The following ENKD1 variants were observed in gnomAD, a reference collection of about 807,000 sequenced individuals.
The protein encoded by ENKD1 is enkurin domain-containing protein 1.
ENKD1 carries 39 observed loss-of-function variants against 35.8 expected under a neutral mutation model. That is an observed-to-expected ratio of 1.09 (90% CI 0.84 to 1.42). The LOEUF (loss-of-function observed/expected upper bound fraction) is 1.42. Ranked by LOEUF, ENKD1 falls within the 40% of genes most tolerant of loss-of-function variation. The probability of loss-of-function intolerance (pLI) is 0.00; values close to 1 mark genes in which losing one functional copy is unlikely to be tolerated. For synonymous variants in ENKD1, 205 were observed against 198.6 expected (o/e 1.03, Z -0.27); for missense variants, 474 against 471.3 (o/e 1.01, Z -0.05).
chr16:67,666,351 G>A lies in ENKD1; in HGVS notation c.85+7C>T. The A allele has an allele frequency of 6.3e-7, 1 of 1,581,820 alleles. No individual in the cohort carries two copies. The highest frequency in any genetic ancestry group is 1.1e-5 in the South Asian group (1 of 88,760). ...GCCTCGCACCACCGCCAAGCCCCCG[G>A]ACTCACCCGAGGTCGGCCGCCTGTA... On this transcript the variant is annotated splice_region_variant and intron_variant, in intron 1 of 6. Coordinates refer to ENST00000243878, the MANE Select transcript of ENKD1 (RefSeq NM_032140.3).
intron 3 of ENKD1, chr16:67,664,628 C>A: frequency 3.2e-6 from 1 of 313,078 alleles, no homozygotes; most frequent in Admixed American, 4.9e-5. Flanking sequence ...GAAATAAGGG[C>A]TGAAAAGTGG....
At chr16:67,665,529 T>G (rs2053089916) in intron 2 of ENKD1, among the ~76,000 whole-genome samples, 1 of 152,084 alleles carries the variant, frequency 6.6e-6, no homozygotes, top group Non-Finnish European at 1.5e-5. Context: ...GCCAGCCTGA[T>G]TTTTGTATTT....
At position 67,666,468 on chromosome 16, in the gene ENKD1, G is replaced by A; in HGVS notation, c.-26C>T. The A allele has an allele frequency of 2.0e-6, 3 of 1,484,692 alleles. No homozygotes were observed. The highest frequency in any genetic ancestry group is 1.3e-5 in the South Asian group (1 of 76,948). The allele number at this position is 1,484,692 out of a possible 1,614,324, so 92.0% of individuals were successfully genotyped here. On this transcript the variant is annotated 5_prime_UTR_variant, in exon 1 of 7. Transcript: ENST00000243878. ...GCCGCCGGCGCCGCCCAGCAACGGTGCCCCGAGGCCTGCAGGGCTGTTTAC... is the reference window on the plus strand; with the variant it reads ...GCCGCCGGCGCCGCCCAGCAACGGTACCCCGAGGCCTGCAGGGCTGTTTAC...
intron 2 of ENKD1, among the ~76,000 whole-genome samples, chr16:67,665,699 G>A (rs1019334992): frequency 6.6e-6 from 1 of 152,246 alleles, no homozygotes; most frequent in East Asian, 1.9e-4. Flanking sequence ...CACCATTGAA[G>A]TACACCATAG....
At position 67,666,132 on chromosome 16, in the gene ENKD1, G is replaced by C; in HGVS notation, c.219C>G (p.Gly73=). The C allele has an allele frequency of 6.2e-7, 1 of 1,612,792 alleles. No individual in the cohort carries two copies. Among genetic ancestry groups the C allele is most frequent in the Non-Finnish European group, 8.5e-7 (1 of 1,179,974 alleles). The change falls in exon 2 of 7, where the codon GGC becomes GGG. Residue 73 remains glycine (G), a synonymous_variant. Transcript: ENST00000243878. The stretch of plus-strand genomic sequence containing the variant: ...CGAGTTGCAACAGCACGTCCCCGAC[G>C]CCGCGCTGGCCGCGCTCCAGGATCT... ...AGEILERGQR[G]VGDVLLQLEG...
rs376989110 is a variant in ENKD1, at chr16:67,666,206, G to C, written c.145C>G (p.Leu49Val). ...KLDLLTSDRA[L>V]DTTAPRGPCI... is the part of the protein sequence containing the mutation. Reference sequence around the variant, plus strand: ...GGGCCACGGGGAGCGGTGGTGTCCAGGGCCCGGTCGGAAGTCAGCAAGTCC... The same window carrying C: ...GGGCCACGGGGAGCGGTGGTGTCCACGGCCCGGTCGGAAGTCAGCAAGTCC... Residue 49 changes from leucine to valine, a missense_variant, in exon 2 of 7, where the codon CTG (leucine) becomes GTG (valine). Transcript: ENST00000243878. 5.0e-6 allele frequency: 8 copies of C among 1,610,280 alleles called. No individual in the cohort carries two copies. The highest frequency in any genetic ancestry group is 3.3e-4 in the Middle Eastern group (2 of 6,046).
chr16:67,663,881 C>A (rs993969734), intron 4 of ENKD1, 56 bp downstream of exon 4: 16 of 1,603,544 alleles, frequency 1.0e-5, no homozygotes, highest in South Asian at 1.1e-5. Context: ...CCTGAACACC[C>A]CCCCCACACC....
intron 4 of ENKD1, 36 bp downstream of exon 4, chr16:67,663,901 G>GC (rs2053066403): frequency 6.2e-7 from 1 of 1,605,474 alleles, no homozygotes; most frequent in Admixed American, 1.7e-5. Context: ...CAGGAGCCCT[G>GC]CCCAACCACC....
intron 3 of ENKD1, chr16:67,664,436 C>G: frequency 2.7e-6 from 1 of 370,556 alleles, no homozygotes; most frequent in Non-Finnish European, 5.2e-6. Context: ...AGGTCTCACT[C>G]CTGAGATCCA....
intron 3 of ENKD1, 21 bp downstream of exon 3, chr16:67,664,975 C>G: frequency 6.3e-7 from 1 of 1,583,042 alleles, no homozygotes. Flanking sequence ...GATAATACTT[C>G]TGGCTCCCTG....
chr16:67,664,748 C>T (rs2053077276), intron 3 of ENKD1, among the ~76,000 whole-genome samples: 1 of 152,198 alleles, frequency 6.6e-6, no homozygotes, highest in Non-Finnish European at 1.5e-5. Context: ...GCCCTGTGGT[C>T]TGTGAGGTTC....
Position 67,663,472 on chromosome 16 carries a change from G to A in ENKD1, c.828C>T (p.His276=), listed in dbSNP as rs940114667. The change falls in exon 6 of 7, where the codon CAC becomes CAT. Residue 276 remains histidine (H), a synonymous_variant. Transcript: ENST00000243878. ...GCCGCTGGTTCTCAGGCATGCGCGT[G>A]TGGCCTGGGGGCATGGCAGGGTCCG... ...SQPDPAMPPG[H]TRMPENQRLE... 1.2e-6 allele frequency: 2 copies of A among 1,613,104 alleles called. No homozygotes were observed. Among genetic ancestry groups the A allele is most frequent in the Non-Finnish European group, 1.7e-6 (2 of 1,179,934 alleles).
intron 3 of ENKD1, 97 bp downstream of exon 3, chr16:67,664,899 C>A: frequency 6.9e-7 from 1 of 1,449,456 alleles, no homozygotes; most frequent in Non-Finnish European, 9.2e-7. Context: ...CCTCTGTTAC[C>A]TCTGTGACTT....
At chr16:67,663,868 G>A (rs1431921389) in intron 4 of ENKD1, 48 bp from the exon 5 acceptor site, 3 of 1,602,040 alleles carry the variant, frequency 1.9e-6, no homozygotes, top group South Asian at 1.1e-5. Flanking sequence ...ATTATGTTGT[G>A]TCCCTGAACA....
chr16:67,664,255 A>G (rs751348860), intron 3 of ENKD1, 193 bp from the exon 4 acceptor site: 1 of 685,542 alleles, frequency 1.5e-6, no homozygotes, highest in Non-Finnish European at 2.7e-6. Context: ...ACAACAAACC[A>G]TCTCTCCTTC....
chr16:67,666,331 G>A (rs746511389), intron 1 of ENKD1, 27 bp downstream of exon 1: 3 of 1,585,910 alleles, frequency 1.9e-6, no homozygotes, highest in Non-Finnish European at 2.6e-6. Context: ...CCTGAGCCTC[G>A]CACCACCGCC....
intron 2 of ENKD1, among the ~76,000 whole-genome samples, 166 bp from the exon 3 acceptor site, chr16:67,665,334 C>T (rs992250819): frequency 2.6e-5 from 4 of 152,130 alleles, no homozygotes; most frequent in Non-Finnish European, 5.9e-5. Context: ...GTGTTCCCTT[C>T]CTCATGTAGT....
Position 67,666,474 on chromosome 16 carries a change from A to G in ENKD1, c.-32T>C, listed in dbSNP as rs2142988233. Reference sequence around the variant, plus strand: ...GGCGCCGCCCAGCAACGGTGCCCCGAGGCCTGCAGGGCTGTTTACCTCCCT... The same window carrying G: ...GGCGCCGCCCAGCAACGGTGCCCCGGGGCCTGCAGGGCTGTTTACCTCCCT... On this transcript the variant is annotated 5_prime_UTR_variant, in exon 1 of 7. Transcript: ENST00000243878. 6.8e-7 allele frequency: 1 copy of G among 1,476,344 alleles called. No individual in the cohort carries two copies. The highest frequency in any genetic ancestry group is 2.3e-5 in the Admixed American group (1 of 44,082). 91.5% of individuals were successfully genotyped at this position (1,476,344 alleles called of 1,614,324 possible).
rs747991422 is a variant in ENKD1 at position 67,663,762 on chromosome 16, G to A, written c.638C>T (p.Pro213Leu). Residue 213 changes from proline (P) to leucine (L), a missense_variant, in exon 5 of 7, where the codon CCC (proline) becomes CTC (leucine). Pro to Leu is a moderately conservative substitution (Grantham distance 98, BLOSUM62 -3). Coordinates refer to ENST00000243878, the MANE Select transcript of ENKD1 (RefSeq NM_032140.3). ...CTGCAGTGAGCAGGAATGCCTCCGG[G>A]GGGCTCTCTTGGCAGCTCGTGCATT... is the stretch of plus-strand genomic sequence containing the variant. ...RHNARAAKRA[P>L]RRHSCSLQVL... 6.2e-7 allele frequency: 1 copy of A among 1,611,176 alleles called. No homozygotes were observed. The highest frequency in any genetic ancestry group is 8.5e-7 in the Non-Finnish European group (1 of 1,178,726).
Sources: gnomAD v4.1 joint callset for allele counts (sites outside exome capture counted in the v4.1 genomes callset) on GRCh38, gnomAD v4.1.1 for gene constraint, MANE v1.5 for transcripts, NCBI Gene and HGNC (gene_info 2026-07-23, HGNC 2026-07-21) for gene names.